The following ABCB9 variants were observed in gnomAD, a reference collection of about 807,000 sequenced individuals.
ABCB9 encodes the protein ATP binding cassette subfamily B member 9, also known as ABC-type oligopeptide transporter ABCB9.
A neutral mutation model predicts 62.0 loss-of-function variants in ABCB9; 36 were observed. The ratio of observed to expected loss-of-function variants is 0.58; its 90% CI spans 0.45 to 0.77. ABCB9 has a LOEUF of 0.77. Among genes scored for constraint, ABCB9 ranks in the 30% least tolerant of loss-of-function variants. The probability of loss-of-function intolerance (pLI) is 0.00; values close to 1 mark genes in which losing one functional copy is unlikely to be tolerated. For synonymous variants in ABCB9, 435 were observed against 461.4 expected (o/e 0.94, Z 0.73); for missense variants, 943 against 1,054.7 (o/e 0.89, Z 1.47).
At chr12:122,933,745 A>G (rs2035315600) in intron 10 of ABCB9, among the ~76,000 whole-genome samples, 2 of 152,240 alleles carry the variant, frequency 1.3e-5, no homozygotes, top group South Asian at 4.1e-4. Context: ...GTATATTTTA[A>G]TTTAAAAATT....
intron 11 of ABCB9, among the ~76,000 whole-genome samples, chr12:122,923,524 C>T (rs1361231588): frequency 1.3e-5 from 2 of 151,942 alleles, no homozygotes; most frequent in Non-Finnish European, 2.9e-5. Context: ...CTCCTGACCT[C>T]GTGATCCGCC....
chr12:122,924,531 A>G, downstream of ABCB9: 2 of 1,159,976 alleles, frequency 1.7e-6, no homozygotes, highest in Admixed American at 6.7e-5. Flanking sequence ...TGCTCAGCTC[A>G]AACATTTCTT....
At position 122,932,093 on chromosome 12, in the gene ABCB9, G is replaced by T; in HGVS notation, c.2040+99C>A. On this transcript the variant is annotated intron_variant, in intron 11 of 11. Coordinates refer to ENST00000280560, the MANE Select transcript of ABCB9 (RefSeq NM_019625.4). The surrounding 1 kb of genome is among the most constrained non-coding windows in gnomAD (Gnocchi z 4.7). The stretch of plus-strand genomic sequence containing the variant: ...AGGCTGATAGTCTGGGAGAGCTCCT[G>T]GGGCCCGTCTCTTCTCAGCATCCAT... The T allele has an allele frequency of 6.5e-7, 1 of 1,538,086 alleles. No homozygotes were observed. Among genetic ancestry groups the T allele is most frequent in the Non-Finnish European group, 8.8e-7 (1 of 1,140,926 alleles).
chr12:122,949,847 T>C lies in ABCB9; in HGVS notation c.788A>G (p.Asn263Ser), dbSNP rs1000400900. ...GGACACCAGTGAGCGGAAGAGACAG[T>C]TTCGAAGGCGAATGTTCAGTCTGGC... ...IFARLNIRLR[N>S]CLFRSLVSQE... Residue 263 changes from asparagine (N) to serine (S), a missense_variant, in exon 4 of 12, where the codon AAC becomes AGC. Asn to Ser is a conservative substitution (Grantham distance 46). Coordinates refer to ENST00000280560, the MANE Select transcript of ABCB9 (RefSeq NM_019625.4). The C allele has an allele frequency of 6.8e-6, 11 of 1,614,180 alleles. No individual in the cohort carries two copies. Among genetic ancestry groups the C allele is most frequent in the Non-Finnish European group, 9.3e-6 (11 of 1,180,000 alleles).
chr12:122,945,626 C>A (rs1303694153), intron 6 of ABCB9, among the ~76,000 whole-genome samples: 1 of 152,100 alleles, frequency 6.6e-6, no homozygotes. Context: ...GCCTGTAATC[C>A]CAGCACTTTG....
At chr12:122,957,808 T>C (rs911963079) in intron 2 of ABCB9, among the ~76,000 whole-genome samples, 5 of 151,198 alleles carry the variant, frequency 3.3e-5, no homozygotes, top group African/African-American at 1.2e-4. Flanking sequence ...TATTCTCTGA[T>C]GATCCCAGCT....
downstream of ABCB9, among the ~76,000 whole-genome samples, chr12:122,926,643 C>A (rs1244518825): frequency 6.6e-6 from 1 of 151,920 alleles, no homozygotes; most frequent in Non-Finnish European, 1.5e-5. Flanking sequence ...AAGCTCAACA[C>A]TTTGGGAGGC....
exon 12 of ABCB9, chr12:122,920,972 A>T: frequency 6.6e-7 from 1 of 1,518,902 alleles, no homozygotes; most frequent in South Asian, 1.2e-5. Context: ...AATGTTTTAT[A>T]CCTGAATGGT....
At chr12:122,946,558 C>T (rs1329113855) in intron 5 of ABCB9, 4 of 338,960 alleles carry the variant, frequency 1.2e-5, no homozygotes, top group Non-Finnish European at 1.7e-5. Flanking sequence ...AAAGGGGCCT[C>T]AACACCTGAC....
Position 122,946,220 on chromosome 12 carries a change from C to T in ABCB9, c.1056G>A (p.Arg352=). 6 of 1,614,112 alleles carry T rather than the reference C, an allele frequency of 3.7e-6. No individual in the cohort carries two copies. Among genetic ancestry groups the T allele is most frequent in the South Asian group, 2.2e-5 (2 of 91,076 alleles). The change falls in exon 6 of 12, where the codon AGG becomes AGA. Residue 352 remains arginine (R), a splice_region_variant and synonymous_variant. Transcript: ENST00000280560. ...VSNIYGKYYK[R]LSKEVQNALA... is the part of the protein sequence containing the mutation. ...GGGCATTCTGGACCTCTTTGGAGAGCCTCTATGGACAGGAGGGGGACAAGA... is the reference window on the plus strand; with the variant it reads ...GGGCATTCTGGACCTCTTTGGAGAGTCTCTATGGACAGGAGGGGGACAAGA...
downstream of ABCB9, among the ~76,000 whole-genome samples, chr12:122,919,024 T>G (rs577586361): frequency 1.3e-5 from 2 of 152,212 alleles, no homozygotes. Context: ...ATCTTTCATT[T>G]GCATAATGCT....
chr12:122,931,986 C>T, intron 11 of ABCB9: 3 of 852,522 alleles, frequency 3.5e-6, no homozygotes, highest in Non-Finnish European at 5.4e-6. Flanking sequence ...CCACACCATA[C>T]AGCTCTGCCT....
In ABCB9 at chr12:122,950,596, C is replaced by G. The variant is rs756095872; in HGVS notation, c.602-31G>C. On this transcript the variant is annotated intron_variant, in intron 2 of 11. Transcript: ENST00000280560. ...GGAGGCAGGGCAGCCTCAGGGACGT[C>G]TGCAGCCAGGGGAACCCGCACCCTT... 2.2e-5 allele frequency: 35 copies of G among 1,579,878 alleles called. No homozygotes were observed. In the East Asian group the frequency reaches 6.1e-4, roughly 27 times the overall value.
chr12:122,929,964 C>T lies in ABCB9; in HGVS notation c.2248G>A (p.Asp750Asn), dbSNP rs1258340233. The part of the protein sequence containing the change: ...RQMLGLQPAA[D>N]FTAGHNEPVA... The stretch of plus-strand genomic sequence containing the variant: ...GGCTCGTTGTGGCCAGCTGTGAAGT[C>T]TGCGGCGGGCTGAAGCCCCAGCATC... Residue 750 changes from aspartate to asparagine, a missense_variant, in exon 12 of 12, where the codon GAC (aspartate) becomes AAC (asparagine). Physicochemically the swap from Asp to Asn is conservative, Grantham distance 23. Transcript: ENST00000280560. This position sits in a 1 kb window ranked among gnomAD's most constrained non-coding sequence, Gnocchi z 6.0. 2 of 1,577,664 alleles carry T rather than the reference C, an allele frequency of 1.3e-6. No individual in the cohort carries two copies. Among genetic ancestry groups the T allele is most frequent in the South Asian group, 2.3e-5 (2 of 87,384 alleles).
At chr12:122,921,012 G>C (rs1202893478) in exon 12 of ABCB9, 1 of 1,534,546 alleles carries the variant, frequency 6.5e-7, no homozygotes, top group Admixed American at 2.0e-5. Flanking sequence ...AATCCATCTC[G>C]GTTCTGATAT....
Position 122,940,231 on chromosome 12 carries a change from C to G in ABCB9, c.1623G>C (p.Ser541=), listed in dbSNP as rs544019943. Residue 541 remains serine, a synonymous_variant, in exon 9 of 12, where the codon TCG becomes TCC. Coordinates refer to ENST00000280560, the MANE Select transcript of ABCB9 (RefSeq NM_019625.4). This position sits in a 1 kb window ranked among gnomAD's most constrained non-coding sequence, Gnocchi z 4.8. The part of the protein sequence containing the change: ...PGKVTALVGP[S]GSGKSSCVNI... ...TGACACAGGAGCTCTTCCCACTGCC[C>G]GAGGGCCCCACCAGGGCCGTCACCT... 1.9e-6 allele frequency: 3 copies of G among 1,611,610 alleles called. No individual in the cohort carries two copies. Among genetic ancestry groups the G allele is most frequent in the Non-Finnish European group, 2.5e-6 (3 of 1,178,530 alleles).
At chr12:122,957,363 A>G (rs2036653880) in intron 2 of ABCB9, among the ~76,000 whole-genome samples, 1 of 152,122 alleles carries the variant, frequency 6.6e-6, no homozygotes, top group Non-Finnish European at 1.5e-5. Flanking sequence ...TTCAGCATCT[A>G]AAATGTCAGG....
chr12:122,953,501 C>T (rs2135881046), intron 2 of ABCB9, among the ~76,000 whole-genome samples: 1 of 152,276 alleles, frequency 6.6e-6, no homozygotes. Context: ...GATTGTCCTG[C>T]CTCAGCCTCC....
downstream of ABCB9, among the ~76,000 whole-genome samples, chr12:122,925,748 AAACAAC>A (rs749261591): frequency 3.3e-5 from 5 of 152,030 alleles, no homozygotes; most frequent in South Asian, 2.1e-4. Context: ...ACTCCGTCTC[AAACAAC>A]AACAACAACA....
Sources: allele counts gnomAD v4.1 joint callset (sites outside exome capture counted in the v4.1 genomes callset), GRCh38; gene constraint gnomAD v4.1.1; non-coding constraint Gnocchi (gnomAD v3.1); transcripts MANE v1.5; gene names NCBI Gene and HGNC (gene_info 2026-07-23, HGNC 2026-07-21).